Variants in TBC1D14 observed in about 807,000 individuals in gnomAD.
The protein encoded by TBC1D14 is TBC1 domain family, member 14.
A neutral mutation model predicts 79.0 loss-of-function variants in TBC1D14; 26 were observed. That is an observed-to-expected ratio of 0.33 (90% confidence interval 0.24 to 0.46). The LOEUF (loss-of-function observed/expected upper bound fraction) is 0.46, where lower values mean the gene tolerates loss of function less well. TBC1D14 is among the 20% of genes least tolerant of loss of function. The pLI is 1.00. For missense variants in TBC1D14, 769 were observed against 887.6 expected, an observed-to-expected ratio of 0.87 and a Z score of 1.70; for synonymous variants, 394 against 349.9, an observed-to-expected ratio of 1.13 and a Z score of -1.40.
At chr4:7,012,055 C>T in intron 11 of TBC1D14, among the ~76,000 whole-genome samples, 1 of 151,788 alleles carries the variant, frequency 6.6e-6, no homozygotes, top group East Asian at 2.0e-4. Flanking sequence ...AATCCCAGCA[C>T]TTTGGGAGGC....
chr4:7,018,597 C>T (rs1355692104), intron 12 of TBC1D14, among the ~76,000 whole-genome samples: 1 of 152,220 alleles, frequency 6.6e-6, no homozygotes, highest in Admixed American at 6.5e-5. Flanking sequence ...TCCTCGGTCC[C>T]TTTTCCAGTG....
At chr4:6,979,752 TAA>T (rs1234198897) in intron 3 of TBC1D14, among the ~76,000 whole-genome samples, 20 of 152,282 alleles carry the variant, frequency 1.3e-4, no homozygotes, top group African/African-American at 4.3e-4. Flanking sequence ...AAAATTAAGA[TAA>T]GTCTATTAAT....
chr4:6,991,040 A>G (rs1404722902), intron 3 of TBC1D14, among the ~76,000 whole-genome samples: 2 of 152,214 alleles, frequency 1.3e-5, no homozygotes, highest in Non-Finnish European at 2.9e-5. Flanking sequence ...CTAGAGCAGG[A>G]CCTGTCACCA....
intron 3 of TBC1D14, among the ~76,000 whole-genome samples, chr4:6,973,528 T>A (rs1716441784): frequency 6.6e-6 from 1 of 152,186 alleles, no homozygotes; most frequent in Non-Finnish European, 1.5e-5. Flanking sequence ...TGAATGCAGA[T>A]ATAAAACCTG....
intron 4 of TBC1D14, among the ~76,000 whole-genome samples, 195 bp from the exon 5 acceptor site, chr4:6,996,130 T>G (rs1719021383): frequency 6.6e-6 from 1 of 152,216 alleles, no homozygotes; most frequent in African/African-American, 2.4e-5. Flanking sequence ...GCCACATTCA[T>G]TTGTTTTATA....
rs1461162194 is a variant in TBC1D14, at chr4:7,031,546, T to C, written c.*1154T>C. ...TTGGCAAATTTTTTGTTCTGTCTTT[T>C]CCTTGACTAATTGTAGAACTTTGTG... On this transcript the variant is annotated 3_prime_UTR_variant, in exon 14 of 14. Coordinates refer to ENST00000409757, the MANE Select transcript of TBC1D14 (RefSeq NM_020773.3). The C allele has an allele frequency of 6.6e-6, 1 of 152,244 alleles. No individual in the cohort carries two copies. The highest frequency in any genetic ancestry group is 1.9e-4 in the East Asian group (1 of 5,198). 9.4% of individuals were successfully genotyped at this position (152,244 alleles called of 1,614,324 possible). A position where few individuals can be genotyped will look rare whatever the true frequency, so the allele number is the denominator to read the frequency against.
intron 9 of TBC1D14, among the ~76,000 whole-genome samples, chr4:7,008,205 G>A (rs1720404342): frequency 6.6e-6 from 1 of 152,200 alleles, no homozygotes; most frequent in Non-Finnish European, 1.5e-5. Context: ...ACCAGGTGGT[G>A]GCAGAAGTGT....
At chr4:6,994,879 A>G (rs1718854502) in intron 4 of TBC1D14, among the ~76,000 whole-genome samples, 2 of 151,984 alleles carry the variant, frequency 1.3e-5, no homozygotes, top group Non-Finnish European at 2.9e-5. Flanking sequence ...AAAAAAAAAA[A>G]AAGAAGCAGT....
rs185963361 is a variant in TBC1D14 at position 7,032,555 on chromosome 4, A to G, written c.*2163A>G. 181 of 152,396 alleles carry G rather than the reference A, an allele frequency of 1.2e-3. 1 individual carries two copies. The highest frequency in any genetic ancestry group is 4.2e-3 in the African/African-American group (174 of 41,540). The allele number at this position is 152,396 out of a possible 1,614,324, so 9.4% of individuals were successfully genotyped here. ...CATGCCAGTGTGGAACACCTTCCCA[A>G]TCTTAGTTCAGAAGTGGCTTGTATG... On this transcript the variant is annotated 3_prime_UTR_variant, in exon 14 of 14. Coordinates refer to ENST00000409757, the MANE Select transcript of TBC1D14 (RefSeq NM_020773.3).
In TBC1D14 at chr4:7,004,868, G is replaced by A; in HGVS notation, c.1295G>A (p.Arg432Gln). 1.2e-6 allele frequency: 2 copies of A among 1,614,012 alleles called. No individual in the cohort carries two copies. Among genetic ancestry groups the A allele is most frequent in the Non-Finnish European group, 8.5e-7 (1 of 1,179,978 alleles). ...GAGCTCTTTGACATCTGTCTTGCCC[G>A]AGCCAAGGAGAGGTGGCGGTCCCTT... ...THELFDICLARAKERWRSLST... is the reference protein window; with the variant it reads ...THELFDICLAQAKERWRSLST... The change falls in exon 8 of 14, where the codon CGA becomes CAA. Residue 432 changes from arginine to glutamine, a missense_variant. Arg to Gln is a conservative substitution (Grantham distance 43). Transcript: ENST00000409757.
chr4:7,024,160 G>A (rs1029012832), intron 12 of TBC1D14, among the ~76,000 whole-genome samples: 4 of 152,200 alleles, frequency 2.6e-5, no homozygotes, highest in African/African-American at 9.7e-5. Flanking sequence ...ACCAGTGTGC[G>A]GGGTTTTCTG....
chr4:6,915,487 A>G (rs1290644645), intron 1 of TBC1D14, among the ~76,000 whole-genome samples: 2 of 152,160 alleles, frequency 1.3e-5, no homozygotes, highest in African/African-American at 4.8e-5. Context: ...GTGAGCAGCA[A>G]AGCTTACTGA....
Position 7,025,303 on chromosome 4 carries a change from G to A in TBC1D14, c.2016+41G>A, listed in dbSNP as rs538246236. On this transcript the variant is annotated intron_variant, in intron 13 of 13. Transcript: ENST00000409757. ...GTTCTTGGCTTCCCACAGCGTAGCC[G>A]GCAAGTGGCGCGACTCAGGAAGGCC... 2.7e-5 allele frequency: 43 copies of A among 1,610,094 alleles called. No individual in the cohort carries two copies. The East Asian group carries it at 5.4e-4, about 20-fold the overall frequency.
chr4:6,922,289 T>G (rs1723931450), intron 1 of TBC1D14, among the ~76,000 whole-genome samples: 1 of 152,176 alleles, frequency 6.6e-6, no homozygotes, highest in Admixed American at 6.6e-5. Flanking sequence ...GTTTTGACTC[T>G]ACTCACTCAA....
chr4:6,941,137 C>T (rs1037863783), intron 2 of TBC1D14, among the ~76,000 whole-genome samples: 14 of 146,194 alleles, frequency 9.6e-5, no homozygotes, highest in Non-Finnish European at 1.6e-4. Flanking sequence ...CCATTTCCTT[C>T]TGTTGGTGGG....
At chr4:6,987,489 G>C (rs555115880) in intron 3 of TBC1D14, 2 of 787,512 alleles carry the variant, frequency 2.5e-6, no homozygotes, top group Non-Finnish European at 3.5e-6. Flanking sequence ...GGTTGTGCGG[G>C]TGTGCGAGCA....
At chr4:6,967,997 C>G (rs1310877286) in intron 3 of TBC1D14, among the ~76,000 whole-genome samples, 1 of 152,186 alleles carries the variant, frequency 6.6e-6, no homozygotes, top group African/African-American at 2.4e-5. Flanking sequence ...TGGAGGCTTG[C>G]TTGTGCACGG....
intron 13 of TBC1D14, among the ~76,000 whole-genome samples, chr4:7,028,707 G>A (rs1027230948): frequency 1.3e-5 from 2 of 152,280 alleles, no homozygotes; most frequent in East Asian, 1.9e-4. Context: ...TTATAGGCGT[G>A]AGCCACCACA....
chr4:6,967,932 G>T (rs1030326892), intron 3 of TBC1D14, among the ~76,000 whole-genome samples: 1 of 152,260 alleles, frequency 6.6e-6, no homozygotes, highest in Admixed American at 6.5e-5. Flanking sequence ...TGCCAGGCCT[G>T]CATGTCCTCA....
Sources: gnomAD v4.1 joint callset for allele counts (sites outside exome capture counted in the v4.1 genomes callset) on GRCh38, gnomAD v4.1.1 for gene constraint, MANE v1.5 for transcripts, NCBI Gene and HGNC (gene_info 2026-07-23, HGNC 2026-07-21) for gene names.